OLFM3: variants seen among roughly 807,000 people sequenced by gnomAD.
OLFM3 encodes noelin-3.
OLFM3 carries 20 observed loss-of-function variants against 48.6 expected under a neutral mutation model. The ratio of observed to expected loss-of-function variants is 0.41; its 90% CI spans 0.29 to 0.60. The LOEUF (loss-of-function observed/expected upper bound fraction) is 0.60, where lower values mean the gene tolerates loss of function less well. Ranked by LOEUF, OLFM3 falls within the 20% of genes least tolerant of loss-of-function variation. The pLI is 0.28. For synonymous variants in OLFM3, 222 were observed against 198.1 expected (o/e 1.12, Z -1.01); for missense variants, 437 against 544.3 (o/e 0.80, Z 1.96).
chr1:101,927,010 G>A (rs1437382661), intron 1 of OLFM3, among the ~76,000 whole-genome samples: 1 of 152,094 alleles, frequency 6.6e-6, no homozygotes, highest in African/African-American at 2.4e-5. Flanking sequence ...ATGATGCAGC[G>A]CTTCTAGAAC....
At chr1:101,905,272 T>C (rs1274470382) in intron 1 of OLFM3, among the ~76,000 whole-genome samples, 1 of 152,174 alleles carries the variant, frequency 6.6e-6, no homozygotes, top group African/African-American at 2.4e-5. Context: ...GTGAGAGTAA[T>C]GTGAAGACAC....
chr1:101,931,835 G>T (rs1659453132), intron 1 of OLFM3, among the ~76,000 whole-genome samples: 1 of 152,150 alleles, frequency 6.6e-6, no homozygotes, highest in Admixed American at 6.5e-5. Flanking sequence ...CTGTAGCTTT[G>T]TGGGTAGCCA....
At chr1:101,935,655 T>G (rs1287094427) in intron 1 of OLFM3, among the ~76,000 whole-genome samples, 1 of 152,096 alleles carries the variant, frequency 6.6e-6, no homozygotes, top group Admixed American at 6.6e-5. Context: ...TACCAAAACC[T>G]GGCAGAGATG....
intron 1 of OLFM3, among the ~76,000 whole-genome samples, chr1:101,996,071 T>A (rs983508931): frequency 6.6e-6 from 1 of 152,340 alleles, no homozygotes; most frequent in Non-Finnish European, 1.5e-5. Context: ...AGTTAACTCA[T>A]CCTTCCTATT....
intron 1 of OLFM3, among the ~76,000 whole-genome samples, chr1:101,880,504 A>T (rs1479490359): frequency 6.6e-6 from 1 of 151,822 alleles, no homozygotes; most frequent in African/African-American, 2.4e-5. Context: ...GATTTGTTGT[A>T]TGATAAACTG....
intron 1 of OLFM3, among the ~76,000 whole-genome samples, chr1:101,954,644 T>C (rs925734627): frequency 6.6e-6 from 1 of 152,068 alleles, no homozygotes; most frequent in Non-Finnish European, 1.5e-5. Context: ...CACCTAAACC[T>C]GAAGATAAAG....
At chr1:101,964,788 G>T (rs1322863096) in intron 1 of OLFM3, among the ~76,000 whole-genome samples, 1 of 152,182 alleles carries the variant, frequency 6.6e-6, no homozygotes, top group African/African-American at 2.4e-5. Flanking sequence ...CAGCATGAAA[G>T]TATACAGGAG....
chr1:101,993,953 G>GAA (rs11394644), intron 1 of OLFM3, among the ~76,000 whole-genome samples: 42 of 115,368 alleles, frequency 3.6e-4, no homozygotes, highest in East Asian at 1.7e-3. Context: ...TTCAGCGACA[G>GAA]AAAAAAAAAA....
chr1:101,916,858 T>C (rs1981274), intron 1 of OLFM3, among the ~76,000 whole-genome samples: 65,715 of 151,898 alleles, frequency 0.43, 14,305 homozygotes, highest in East Asian at 0.59. Context: ...TATGAGCGAA[T>C]TAAGCACATG....
chr1:101,967,838 TG>T (rs1360563833), intron 1 of OLFM3, among the ~76,000 whole-genome samples: 1 of 152,018 alleles, frequency 6.6e-6, no homozygotes, highest in Non-Finnish European at 1.5e-5. Context: ...TTAGAGGAGT[TG>T]GGGGAGGTGG....
At chr1:101,842,442 G>A (rs1446906938) in intron 1 of OLFM3, among the ~76,000 whole-genome samples, 2 of 152,066 alleles carry the variant, frequency 1.3e-5, no homozygotes, top group Non-Finnish European at 2.9e-5. Flanking sequence ...GAGATGGGGG[G>A]CCGCTGAAGT....
At chr1:101,979,591 C>T (rs984353817) in intron 1 of OLFM3, among the ~76,000 whole-genome samples, 3 of 152,086 alleles carry the variant, frequency 2.0e-5, no homozygotes, top group Non-Finnish European at 4.4e-5. Context: ...TGAGGCTTAC[C>T]CAGCAATGTG....
intron 1 of OLFM3, among the ~76,000 whole-genome samples, chr1:101,873,540 A>G (rs191108062): frequency 6.6e-6 from 1 of 152,028 alleles, no homozygotes; most frequent in African/African-American, 2.4e-5. Flanking sequence ...TTTAAGGAAA[A>G]TGTAACTGGC....
At chr1:101,995,925 A>T (rs1243367505) in intron 1 of OLFM3, among the ~76,000 whole-genome samples, 1 of 152,214 alleles carries the variant, frequency 6.6e-6, no homozygotes, top group African/African-American at 2.4e-5. Context: ...CTTTCAAATT[A>T]TCTCACTTTG....
rs145115789 is a variant in OLFM3, at chr1:101,901,431, C to T, written c.70-64406G>A. Reference sequence around the variant, plus strand: ...GTACATGGGACATGGAATGTCCTTACATATGGGTATAGAGATTTAGAGCTG... The same window carrying T: ...GTACATGGGACATGGAATGTCCTTATATATGGGTATAGAGATTTAGAGCTG... On this transcript the variant is annotated intron_variant, in intron 1 of 5. Transcript: ENST00000370103. Among the ~76,000 whole-genome samples the T allele has an allele frequency of 1.7e-4, 26 of 152,132 alleles. No homozygotes were observed. The East Asian group carries it at 5.0e-3, about 29-fold the overall frequency.
At chr1:101,879,039 A>AT (rs1164101684) in intron 1 of OLFM3, among the ~76,000 whole-genome samples, 2 of 151,884 alleles carry the variant, frequency 1.3e-5, no homozygotes, top group Non-Finnish European at 2.9e-5. Flanking sequence ...CAGAGAAGGG[A>AT]TAATTTGGAA....
chr1:101,986,143 T>G (rs1017118575), intron 1 of OLFM3, among the ~76,000 whole-genome samples: 2 of 151,962 alleles, frequency 1.3e-5, no homozygotes, highest in Non-Finnish European at 2.9e-5. Flanking sequence ...TTTTTTGTAT[T>G]TTTAGTAGAG....
chr1:101,898,622 G>A lies in OLFM3; in HGVS notation c.70-61597C>T, dbSNP rs573777314. On this transcript the variant is annotated intron_variant, in intron 1 of 5. Transcript: ENST00000370103. The stretch of plus-strand genomic sequence containing the variant: ...CCAGCACTTTGAGAGGCCAAGGTGG[G>A]TGGATTACTTGGGGCCAAGAGTTTG... Among the ~76,000 whole-genome samples, 24 of 152,290 alleles carry A rather than the reference G, an allele frequency of 1.6e-4. 1 individual carries two copies. The highest frequency in any genetic ancestry group is 5.8e-4 in the African/African-American group (24 of 41,564).
intron 1 of OLFM3, chr1:101,846,950 A>G: frequency 6.2e-7 from 1 of 1,612,370 alleles, no homozygotes; most frequent in Non-Finnish European, 8.5e-7. Flanking sequence ...GCACAGCGCC[A>G]AGCTTCAGCA....
Sources: allele counts gnomAD v4.1 joint callset (sites outside exome capture counted in the v4.1 genomes callset), GRCh38; gene constraint gnomAD v4.1.1; transcripts MANE v1.5; gene names NCBI Gene and HGNC (gene_info 2026-07-23, HGNC 2026-07-21).